SLC14A1: variants seen among roughly 807,000 people sequenced by gnomAD.
SLC14A1 encodes the protein urea transporter 1.
A neutral mutation model predicts 39.6 loss-of-function variants in SLC14A1; 36 were observed. That is an observed-to-expected ratio of 0.91 (90% CI 0.70 to 1.20). The LOEUF is 1.20. Ranked by LOEUF, SLC14A1 falls within the 50% of genes most tolerant of loss-of-function variation. The pLI, the probability that SLC14A1 is intolerant of heterozygous loss-of-function variation, is 0.00. For synonymous variants in SLC14A1, 164 were observed against 173.6 expected (o/e 0.94, Z 0.43); for missense variants, 469 against 478.7 (o/e 0.98, Z 0.19).
chr18:45,730,951 G>A (rs779059222), intron 3 of SLC14A1, 64 bp from the exon 4 acceptor site: 15 of 1,426,132 alleles, frequency 1.1e-5, no homozygotes, highest in Non-Finnish European at 1.2e-5. Flanking sequence ...GCTCAGGGTG[G>A]GCCTGTGGTT....
At position 45,739,207 on chromosome 18, in the gene SLC14A1, T is replaced by C. The variant is rs77787992; in HGVS notation, c.708T>C (p.Cys236=). 6.2e-7 allele frequency: 1 copy of C among 1,614,166 alleles called. No individual in the cohort carries two copies. Among genetic ancestry groups the C allele is most frequent in the Non-Finnish European group, 8.5e-7 (1 of 1,180,014 alleles). ...IPVGVGQIYG[C]DNPWTGGIFL... The stretch of plus-strand genomic sequence containing the variant: ...TGGGAGTTGGTCAGATCTATGGCTG[T>C]GATAATCCATGGACAGGGGGCATTT... Residue 236 remains cysteine (C), a synonymous_variant, in exon 7 of 10, where the codon TGT becomes TGC. Coordinates refer to ENST00000321925, the MANE Select transcript of SLC14A1 (RefSeq NM_015865.7).
At chr18:45,730,580 T>A (rs2047000156) in intron 3 of SLC14A1, 109 bp downstream of exon 3, 1 of 1,195,656 alleles carries the variant, frequency 8.4e-7, no homozygotes, top group Non-Finnish European at 1.2e-6. Context: ...TTTTTATAGA[T>A]CTCTTTACTC....
intron 5 of SLC14A1, 150 bp downstream of exon 5, chr18:45,734,552 A>C: frequency 1.1e-6 from 1 of 890,164 alleles, no homozygotes; most frequent in East Asian, 2.7e-5. Context: ...CAACAATGTG[A>C]TTGTCCTTAA....
chr18:45,747,732 AT>A (rs2047589381), intron 8 of SLC14A1, among the ~76,000 whole-genome samples: 1 of 152,184 alleles, frequency 6.6e-6, no homozygotes. Flanking sequence ...ACGTTTATTC[AT>A]TGATTTTAAT....
Position 45,734,334 on chromosome 18 carries a change from T to A in SLC14A1, c.402T>A (p.Ala134=). 6.2e-7 allele frequency: 1 copy of A among 1,614,104 alleles called. No individual in the cohort carries two copies. The highest frequency in any genetic ancestry group is 1.7e-5 in the Admixed American group (1 of 60,026). The stretch of plus-strand genomic sequence containing the variant: ...CCACCCTGGTGGGAGTACTCATGGC[T>A]GTCTTTTCGGACAAGGGAGACTATT... ...YNATLVGVLM[A]VFSDKGDYFW... The change falls in exon 5 of 10, where the codon GCT becomes GCA. Residue 134 remains alanine (A), a synonymous_variant. Coordinates refer to ENST00000321925, the MANE Select transcript of SLC14A1 (RefSeq NM_015865.7).
Position 45,751,648 on chromosome 18 carries a change from C to A in SLC14A1, c.*1697C>A. ...AAATAGTAACATTAGCCAGGTGTAG[C>A]AGCACACATCTGCAGCAGCTACTCA... On this transcript the variant is annotated 3_prime_UTR_variant, in exon 10 of 10. Coordinates refer to ENST00000321925, the MANE Select transcript of SLC14A1 (RefSeq NM_015865.7). 1 of 461,490 alleles carries A rather than the reference C, an allele frequency of 2.2e-6. No individual in the cohort carries two copies. 28.6% of individuals were successfully genotyped at this position (461,490 alleles called of 1,614,324 possible). A position where few individuals can be genotyped will look rare whatever the true frequency, so the allele number is the denominator to read the frequency against.
In SLC14A1 at chr18:45,734,771, AAGG is replaced by A. The variant is rs1487930079; in HGVS notation, c.470+378_470+380del. ...GGAGGAGGAGGAGGAGAAGGATGGA[AAGG>A]AGGAGGAGTAGCAGGAGGAGCAGGA... On this transcript the variant is annotated intron_variant, in intron 5 of 9. Transcript: ENST00000321925. 1.0e-3 allele frequency among the ~76,000 whole-genome samples: 157 copies of A among 152,044 alleles called. 1 individual carries two copies. The highest frequency in any genetic ancestry group is 7.7e-4 in the East Asian group (4 of 5,164).
In SLC14A1 at chr18:45,749,818, CG is replaced by C. The variant is rs746265611; in HGVS notation, c.1038del (p.Leu347TyrfsTer6). ...PACTWPFCLA[T>X]LLFLIMTTKN... ...TGTACCTGGCCCTTCTGTTTGGCCA[CG>C]CTATTGTTCCTCATCATGACCACAA... On this transcript the variant is annotated frameshift_variant, in exon 10 of 10. Coordinates refer to ENST00000321925, the MANE Select transcript of SLC14A1 (RefSeq NM_015865.7). LOFTEE classifies it high-confidence loss of function. The C allele has an allele frequency of 1.2e-6, 2 of 1,614,034 alleles. No individual in the cohort carries two copies. The highest frequency in any genetic ancestry group is 1.7e-6 in the Non-Finnish European group (2 of 1,180,022).
intron 2 of SLC14A1, among the ~76,000 whole-genome samples, chr18:45,725,820 G>A (rs16978469): frequency 0.41 from 62,873 of 151,998 alleles, 14,068 homozygotes; most frequent in East Asian, 0.52. Context: ...CTTGAACTAC[G>A]TGGTCTCTAA....
At chr18:45,748,785 G>C (rs2282615) in intron 9 of SLC14A1, among the ~76,000 whole-genome samples, 93,290 of 152,124 alleles carry the variant, frequency 0.61, 29,316 homozygotes, top group East Asian at 0.93. Flanking sequence ...GTGATGCAGG[G>C]CCGGTTTCTG....
chr18:45,742,977 T>C (rs1470311547), intron 8 of SLC14A1, among the ~76,000 whole-genome samples: 1 of 152,246 alleles, frequency 6.6e-6, no homozygotes, highest in Non-Finnish European at 1.5e-5. Context: ...TGAGCCACAG[T>C]GCCCAGCTAG....
In SLC14A1 at chr18:45,750,271, T is replaced by A; in HGVS notation, c.*320T>A. On this transcript the variant is annotated 3_prime_UTR_variant, in exon 10 of 10. Coordinates refer to ENST00000321925, the MANE Select transcript of SLC14A1 (RefSeq NM_015865.7). ...GTGAAAACAAACTATTAGTATTTAT[T>A]GATATTCTTGGTGTTTAGCTGGCTC... is the stretch of plus-strand genomic sequence containing the variant. The A allele has an allele frequency of 1.6e-6, 2 of 1,254,954 alleles. No homozygotes were observed. The highest frequency in any genetic ancestry group is 7.5e-5 in the Admixed American group (2 of 26,710). 77.7% of individuals were successfully genotyped at this position (1,254,954 alleles called of 1,614,324 possible).
Position 45,730,289 on chromosome 18 carries a change from C to T in SLC14A1, c.-21-11C>T. On this transcript the variant is annotated splice_polypyrimidine_tract_variant and intron_variant, in intron 2 of 9. Transcript: ENST00000321925. Reference sequence around the variant, plus strand: ...CTTAGGGATACTTATAAGCTCTGTCCTTCCCTCAAGGAGCCAGAGGAAGAG... The same window carrying T: ...CTTAGGGATACTTATAAGCTCTGTCTTTCCCTCAAGGAGCCAGAGGAAGAG... 1 of 1,610,244 alleles carries T rather than the reference C, an allele frequency of 6.2e-7. No homozygotes were observed. Among genetic ancestry groups the T allele is most frequent in the South Asian group, 1.1e-5 (1 of 90,886 alleles).
intron 2 of SLC14A1, 38 bp from the exon 3 acceptor site, chr18:45,730,262 G>A (rs758521526): frequency 8.2e-6 from 13 of 1,592,430 alleles, no homozygotes; most frequent in South Asian, 1.1e-5. Flanking sequence ...GGAGGGCTCT[G>A]CCTTAGGGAT....
intron 8 of SLC14A1, among the ~76,000 whole-genome samples, chr18:45,741,924 A>C (rs2047388125): frequency 1.3e-5 from 2 of 152,220 alleles, no homozygotes; most frequent in Admixed American, 1.3e-4. Context: ...TTCTGGAGGA[A>C]GTAGCCACAA....
chr18:45,744,906 C>T (rs1392383039), intron 8 of SLC14A1, among the ~76,000 whole-genome samples: 6 of 152,138 alleles, frequency 3.9e-5, no homozygotes, highest in South Asian at 4.1e-4. Flanking sequence ...CTGTCCATTG[C>T]ACCGATCACA....
chr18:45,738,616 A>C (rs1168219696), intron 6 of SLC14A1, among the ~76,000 whole-genome samples: 2 of 152,228 alleles, frequency 1.3e-5, no homozygotes, highest in Non-Finnish European at 2.9e-5. Context: ...AAATTCACAA[A>C]CTTGCTAAAA....
At chr18:45,731,281 T>A in intron 4 of SLC14A1, 77 bp downstream of exon 4, 1 of 1,324,052 alleles carries the variant, frequency 7.6e-7, no homozygotes, top group Non-Finnish European at 1.1e-6. Flanking sequence ...GCAACAGTGA[T>A]AAAACCACAT....
chr18:45,749,635 C>T, intron 9 of SLC14A1, 143 bp from the exon 10 acceptor site: 1 of 928,042 alleles, frequency 1.1e-6, no homozygotes, highest in South Asian at 1.5e-5. Flanking sequence ...TAAATTCAGT[C>T]TCCACGAGCA....
Sources: allele counts gnomAD v4.1 joint callset (sites outside exome capture counted in the v4.1 genomes callset), GRCh38; gene constraint gnomAD v4.1.1; transcripts MANE v1.5; gene names NCBI Gene and HGNC (gene_info 2026-07-23, HGNC 2026-07-21).